Variants in TRDN observed in about 807,000 individuals in gnomAD.
The protein encoded by TRDN is triadin in skeletal muscle.
TRDN carries 161 observed loss-of-function variants against 149.7 expected under a neutral mutation model. The ratio of observed to expected loss-of-function variants is 1.08; its 90% CI spans 0.95 to 1.23. TRDN has a LOEUF of 1.23. Among genes scored for constraint, TRDN ranks in the 50% most tolerant of loss-of-function variants. The pLI is 0.00. For missense variants in TRDN, 896 were observed against 823.5 expected (o/e 1.09, Z -1.08); for synonymous variants, 294 against 250.5 (o/e 1.17, Z -1.64).
chr6:123,497,116 G>A, intron 9 of TRDN, 77 bp downstream of exon 9: 1 of 1,130,498 alleles, frequency 8.8e-7, no homozygotes, highest in Non-Finnish European at 1.2e-6. Flanking sequence ...TGAAAATACA[G>A]TTAGGTACAT....
In TRDN at chr6:123,370,695, G is replaced by A. The variant is rs116782895; in HGVS notation, c.1274-4513C>T. Among the ~76,000 whole-genome samples, 326 of 152,148 alleles carry A rather than the reference G, an allele frequency of 2.1e-3. 1 individual carries two copies. Among genetic ancestry groups the A allele is most frequent in the African/African-American group, 7.3e-3 (304 of 41,508 alleles). ...CATACGTGAGAGTTTCTTTTGCTCC[G>A]TATCACTACCATCACCAGAATAAGC... On this transcript the variant is annotated intron_variant, in intron 19 of 40. Transcript: ENST00000334268.
intron 38 of TRDN, among the ~76,000 whole-genome samples, chr6:123,232,323 A>G (rs1775632398): frequency 6.6e-6 from 1 of 152,086 alleles, no homozygotes; most frequent in Non-Finnish European, 1.5e-5. Flanking sequence ...AAGTGAGCAA[A>G]AGGTAATTCA....
chr6:123,579,287 T>C (rs1388289435), intron 1 of TRDN, among the ~76,000 whole-genome samples: 3 of 152,196 alleles, frequency 2.0e-5, no homozygotes, highest in Non-Finnish European at 4.4e-5. Flanking sequence ...TTATCACAGA[T>C]GGCTCTTATT....
intron 39 of TRDN, 48 bp downstream of exon 39, chr6:123,224,045 A>T: frequency 6.4e-7 from 1 of 1,569,510 alleles, no homozygotes. Flanking sequence ...CAAAAACCTT[A>T]TAGCTTTGAG....
chr6:123,537,063 C>T (rs747009083), intron 4 of TRDN, among the ~76,000 whole-genome samples: 6 of 151,912 alleles, frequency 3.9e-5, no homozygotes, highest in East Asian at 3.9e-4. Flanking sequence ...TTTATAGATG[C>T]TCATACAAAA....
chr6:123,488,776 T>A (rs897949472), intron 9 of TRDN: 1 of 151,602 alleles, frequency 6.6e-6, no homozygotes, highest in African/African-American at 2.4e-5. Flanking sequence ...ATTCCCTATC[T>A]ATGTCTGGGA....
intron 24 of TRDN, among the ~76,000 whole-genome samples, chr6:123,309,256 A>G (rs935998038): frequency 6.6e-5 from 10 of 151,826 alleles, no homozygotes; most frequent in African/African-American, 2.2e-4. Flanking sequence ...GTATCCTACT[A>G]CTGCAACTTT....
chr6:123,579,633 G>T (rs540651865), intron 1 of TRDN, among the ~76,000 whole-genome samples: 1 of 152,174 alleles, frequency 6.6e-6, no homozygotes, highest in Non-Finnish European at 1.5e-5. Flanking sequence ...GCCAAGTTTT[G>T]GTATGAGGAT....
intron 32 of TRDN, 95 bp from the exon 33 acceptor site, chr6:123,265,433 A>G (rs572000461): frequency 6.1e-5 from 48 of 786,152 alleles, no homozygotes; most frequent in Middle Eastern, 2.5e-4. Flanking sequence ...TTTGCTTTTT[A>G]TTGTAAAAAT....
At chr6:123,620,639 T>A (rs1039574809) in intron 1 of TRDN, among the ~76,000 whole-genome samples, 1 of 152,104 alleles carries the variant, frequency 6.6e-6, no homozygotes, top group Non-Finnish European at 1.5e-5. Flanking sequence ...AGAGTTAGGC[T>A]TTCCACCTCA....
intron 1 of TRDN, among the ~76,000 whole-genome samples, chr6:123,593,726 C>A (rs1368021346): frequency 1.3e-5 from 2 of 152,082 alleles, no homozygotes; most frequent in Non-Finnish European, 2.9e-5. Context: ...ACTTGATTAC[C>A]TCTGTAAAGA....
At chr6:123,242,803 T>C (rs1776037525) in intron 38 of TRDN, among the ~76,000 whole-genome samples, 1 of 151,940 alleles carries the variant, frequency 6.6e-6, no homozygotes, top group Non-Finnish European at 1.5e-5. Flanking sequence ...AGACTAACAA[T>C]ACTAGATATG....
At chr6:123,418,507 T>C (rs1220550059) in intron 12 of TRDN, 2 of 152,148 alleles carry the variant, frequency 1.3e-5, no homozygotes, top group Non-Finnish European at 2.9e-5. Flanking sequence ...CATACTTTCA[T>C]CCCAAACACT....
At position 123,254,587 on chromosome 6, in the gene TRDN, C is replaced by A. The variant is rs536032788; in HGVS notation, c.1951+494G>T. Among the ~76,000 whole-genome samples the A allele has an allele frequency of 1.7e-4, 26 of 151,942 alleles. 1 individual carries two copies. In the South Asian group the frequency reaches 5.4e-3, roughly 32 times the overall value. On this transcript the variant is annotated intron_variant, in intron 37 of 40. Coordinates refer to ENST00000334268, the MANE Select transcript of TRDN (RefSeq NM_006073.4). Reference sequence around the variant, plus strand: ...ATTTACAGTTTTATGATAATATCAGCAAAATAGATCATTCTCTTTTTAAGA... The same window carrying A: ...ATTTACAGTTTTATGATAATATCAGAAAAATAGATCATTCTCTTTTTAAGA...
In TRDN at chr6:123,217,581, T is replaced by A. The variant is rs977765220; in HGVS notation, c.*1020A>T. On this transcript the variant is annotated 3_prime_UTR_variant, in exon 41 of 41. Transcript: ENST00000334268. The stretch of plus-strand genomic sequence containing the variant: ...AGATTAAAAATTGTTATCCATGTCA[T>A]TGGCACTGATGACCAGTTACCTAAA... The A allele has an allele frequency of 2.6e-5, 4 of 151,978 alleles. No individual in the cohort carries two copies. The highest frequency in any genetic ancestry group is 5.9e-5 in the Non-Finnish European group (4 of 67,944). 9.4% of individuals were successfully genotyped at this position (151,978 alleles called of 1,614,324 possible). A position where few individuals can be genotyped will look rare whatever the true frequency, so the allele number is the denominator to read the frequency against.
intron 2 of TRDN, among the ~76,000 whole-genome samples, chr6:123,568,231 G>C (rs990729617): frequency 6.6e-6 from 1 of 152,184 alleles, no homozygotes; most frequent in African/African-American, 2.4e-5. Context: ...CCAAGGAATT[G>C]GGCAGCTCTA....
intron 9 of TRDN, among the ~76,000 whole-genome samples, chr6:123,473,271 C>G (rs1392462786): frequency 1.3e-5 from 2 of 152,044 alleles, no homozygotes; most frequent in African/African-American, 4.8e-5. Flanking sequence ...AGCTGAAAAC[C>G]AAGGCTTGAG....
At position 123,505,762 on chromosome 6, in the gene TRDN, C is replaced by T. The variant is rs188382175; in HGVS notation, c.611-1861G>A. 3.6e-3 allele frequency among the ~76,000 whole-genome samples: 543 copies of T among 151,460 alleles called. 3 individuals carry two copies. The highest frequency in any genetic ancestry group is 4.4e-3 in the Non-Finnish European group (299 of 67,912). On this transcript the variant is annotated intron_variant, in intron 7 of 40. Transcript: ENST00000334268. ...TCATCCAGGCTGTAGTGCAGTGGCA[C>T]GATCTCGGCTCACTGCAACCTCTGC...
At chr6:123,243,265 G>C (rs1026836230) in intron 38 of TRDN, among the ~76,000 whole-genome samples, 1 of 152,070 alleles carries the variant, frequency 6.6e-6, no homozygotes, top group African/African-American at 2.4e-5. Context: ...ACATCACCAT[G>C]GTCACTAAGG....
Sources: gnomAD v4.1 joint callset for allele counts (sites outside exome capture counted in the v4.1 genomes callset) on GRCh38, gnomAD v4.1.1 for gene constraint, MANE v1.5 for transcripts, NCBI Gene and HGNC (gene_info 2026-07-23, HGNC 2026-07-21) for gene names.